Variants in KMT2C observed in about 807,000 individuals in gnomAD.
KMT2C encodes the protein histone-lysine N-methyltransferase 2C.
A neutral mutation model predicts 507.9 loss-of-function variants in KMT2C; 88 were observed. The ratio of observed to expected loss-of-function variants is 0.17; its 90% confidence interval spans 0.15 to 0.21. The LOEUF is 0.21. Ranked by LOEUF, KMT2C falls within the 10% of genes least tolerant of loss-of-function variation. KMT2C has a pLI of 1.00. For synonymous variants in KMT2C, 2,049 were observed against 2,080.8 expected, an observed-to-expected ratio of 0.98 and a Z score of 0.42; for missense variants, 4,954 against 5,957.8, an observed-to-expected ratio of 0.83 and a Z score of 5.55.
At chr7:152,360,869 A>C (rs1309455203) in intron 1 of KMT2C, among the ~76,000 whole-genome samples, 1 of 152,054 alleles carries the variant, frequency 6.6e-6, no homozygotes, top group Non-Finnish European at 1.5e-5. Context: ...AAAAAATTGA[A>C]GTAATCAAAG....
intron 43 of KMT2C, among the ~76,000 whole-genome samples, chr7:152,161,495 A>C (rs2129103134): frequency 6.6e-6 from 1 of 152,342 alleles, no homozygotes; most frequent in Admixed American, 6.5e-5. Context: ...ATCTTAATGA[A>C]GTTAACTGAA....
intron 6 of KMT2C, among the ~76,000 whole-genome samples, chr7:152,304,617 G>T (rs2096599041): frequency 6.6e-6 from 1 of 152,212 alleles, no homozygotes; most frequent in African/African-American, 2.4e-5. Flanking sequence ...TTATCTTGAA[G>T]GGGCAGGTTA....
chr7:152,364,926 AAC>A (rs961843997), intron 1 of KMT2C, among the ~76,000 whole-genome samples: 15 of 144,380 alleles, frequency 1.0e-4, no homozygotes, highest in Non-Finnish European at 1.8e-4. Flanking sequence ...CAAAATCTGA[AAC>A]AGACAGACAC....
At chr7:152,382,312 A>C (rs1202658335) in intron 1 of KMT2C, among the ~76,000 whole-genome samples, 4 of 152,190 alleles carry the variant, frequency 2.6e-5, no homozygotes, top group African/African-American at 4.8e-5. Flanking sequence ...TAAACATGAG[A>C]GATAACCCTG....
intron 7 of KMT2C, among the ~76,000 whole-genome samples, chr7:152,270,828 C>G (rs2095951579): frequency 6.6e-6 from 1 of 152,166 alleles, no homozygotes; most frequent in Admixed American, 6.5e-5. Flanking sequence ...TATGACAGAG[C>G]ACCCTAAAAG....
At chr7:152,185,165 G>A (rs1188570652) in intron 34 of KMT2C, among the ~76,000 whole-genome samples, 1 of 152,192 alleles carries the variant, frequency 6.6e-6, no homozygotes, top group Non-Finnish European at 1.5e-5. Flanking sequence ...AAGGGAAAGA[G>A]TCTGTACAAG....
chr7:152,249,908 T>C lies in KMT2C; in HGVS notation c.1781A>G (p.Glu594Gly), dbSNP rs749129750. The C allele has an allele frequency of 3.1e-6, 5 of 1,608,608 alleles. No homozygotes were observed. The highest frequency in any genetic ancestry group is 4.3e-6 in the Non-Finnish European group (5 of 1,175,420). Residue 594 changes from glutamate (E) to glycine (G), a missense_variant, in exon 13 of 59, where the codon GAA (glutamate) becomes GGA (glycine). Around this residue, in one of 29 missense-constraint regions of KMT2C, gnomAD observed 376 missense variants for 352.4 expected, o/e 1.07. Coordinates refer to ENST00000262189, the MANE Select transcript of KMT2C (RefSeq NM_170606.3). Reference sequence around the variant, plus strand: ...AAGAAGACTATCTGTGTCAAGACTTTCTGAGGGATGACTCTTCTGTTGCTC... The same window carrying C: ...AAGAAGACTATCTGTGTCAAGACTTCCTGAGGGATGACTCTTCTGTTGCTC... ...TEEQQKSHPS[E>G]SLDTDSLLIA...
In KMT2C at chr7:152,144,175, G is replaced by C. The variant is rs919653784; in HGVS notation, c.14343+538C>G. Reference sequence around the variant, plus strand: ...TGAGACATCCAAGGAGAAAAATGCTGAACAGGCATTTGGATATTTGGGTCT... The same window carrying C: ...TGAGACATCCAAGGAGAAAAATGCTCAACAGGCATTTGGATATTTGGGTCT... On this transcript the variant is annotated intron_variant, in intron 55 of 58. Coordinates refer to ENST00000262189, the MANE Select transcript of KMT2C (RefSeq NM_170606.3). This position sits in a 1 kb window ranked among gnomAD's most constrained non-coding sequence, Gnocchi z 4.4. Among the ~76,000 whole-genome samples, 5 of 152,150 alleles carry C rather than the reference G, an allele frequency of 3.3e-5. No individual in the cohort carries two copies. Among genetic ancestry groups the C allele is most frequent in the African/African-American group, 1.2e-4 (5 of 41,420 alleles).
At chr7:152,361,343 G>A (rs1241927919) in intron 1 of KMT2C, among the ~76,000 whole-genome samples, 2 of 152,048 alleles carry the variant, frequency 1.3e-5, no homozygotes, top group African/African-American at 2.4e-5. Flanking sequence ...GGTGGATCAC[G>A]AGGTCAGGAG....
rs184141760 is a variant in KMT2C, at chr7:152,202,807, A to G, written c.4092+127T>C. The G allele has an allele frequency of 1.7e-4, 135 of 797,812 alleles. No homozygotes were observed. The Admixed American group carries it at 4.2e-3, about 25-fold the overall frequency. The allele number at this position is 797,812 out of a possible 1,614,324, so 49.4% of individuals were successfully genotyped here. A position where few individuals can be genotyped will look rare whatever the true frequency, so the allele number is the denominator to read the frequency against. On this transcript the variant is annotated intron_variant, in intron 26 of 58. Transcript: ENST00000262189. ...CCCCTGAAAGGTAAAAATGGCATTT[A>G]TGATGACTAAATGACAACAAAACAA...
In KMT2C at chr7:152,177,031, C is replaced by T. The variant is rs2129114084; in HGVS notation, c.8422G>A (p.Asp2808Asn). ...GATTTTTTCTGTGGTGAATGTTTAT[C>T]AGAGAGAACCAGAGTTTTGTTTTCT... Reference protein sequence around the residue: ...EQENKTLVLSDKHSPQKKSTV... With the variant: ...EQENKTLVLSNKHSPQKKSTV... The change falls in exon 38 of 59, where the codon GAT (aspartate) becomes AAT (asparagine). Residue 2808 changes from aspartate (D) to asparagine (N), a missense_variant. Physicochemically the swap from Asp to Asn is conservative, Grantham distance 23. This residue lies in a region of KMT2C where 1,689 missense variants were observed against 1,654.3 expected (regional missense o/e 1.02). Transcript: ENST00000262189. 1 of 1,613,244 alleles carries T rather than the reference C, an allele frequency of 6.2e-7. No individual in the cohort carries two copies. The highest frequency in any genetic ancestry group is 1.3e-5 in the African/African-American group (1 of 74,922).
At chr7:152,275,106 A>G (rs1274678084) in intron 6 of KMT2C, among the ~76,000 whole-genome samples, 1 of 152,336 alleles carries the variant, frequency 6.6e-6, no homozygotes, top group East Asian at 1.9e-4. Context: ...AGTTAAAATT[A>G]TAATTGTTTT....
chr7:152,176,235 T>C lies in KMT2C; in HGVS notation c.9218A>G (p.Gln3073Arg), dbSNP rs575470787. The C allele has an allele frequency of 1.9e-6, 3 of 1,612,932 alleles. No individual in the cohort carries two copies. The South Asian group carries it at 3.3e-5, about 18-fold the overall frequency. ...RQEQQQQRQM[Q>R]AMIRQRSEPF... ...TTCTGATCGCTGACGAATCATGGCT[T>C]GCATCTGTCTTTGCTGCTGCTGTTC... The change falls in exon 38 of 59, where the codon CAA (glutamine) becomes CGA (arginine). Residue 3073 changes from glutamine to arginine, a missense_variant. Transcript: ENST00000262189.
rs573895324 is a variant in KMT2C, at chr7:152,175,956, T to C, written c.9262+235A>G. Among the ~76,000 whole-genome samples, 8 of 152,198 alleles carry C rather than the reference T, an allele frequency of 5.3e-5. No homozygotes were observed. In the East Asian group the frequency reaches 1.6e-3, roughly 30 times the overall value. On this transcript the variant is annotated intron_variant, in intron 38 of 58. Transcript: ENST00000262189. ...TACTCGGGAGGCTGAGGCAGGAGAATCACTTGAACCCAGGAGGTGGAGGTT... is the reference window on the plus strand; with the variant it reads ...TACTCGGGAGGCTGAGGCAGGAGAACCACTTGAACCCAGGAGGTGGAGGTT...
chr7:152,186,256 C>T (rs1039592132), intron 33 of KMT2C, among the ~76,000 whole-genome samples: 1 of 152,150 alleles, frequency 6.6e-6, no homozygotes, highest in African/African-American at 2.4e-5. Context: ...AGCTTTAACA[C>T]AGTATTTCAT....
At chr7:152,397,493 C>T (rs2116587184) in intron 1 of KMT2C, among the ~76,000 whole-genome samples, 1 of 152,286 alleles carries the variant, frequency 6.6e-6, no homozygotes, top group East Asian at 1.9e-4. Context: ...GTGAAGGGCA[C>T]TGCTTGGGCT....
At chr7:152,295,891 C>T (rs538816548) in intron 6 of KMT2C, among the ~76,000 whole-genome samples, 235 of 151,094 alleles carry the variant, frequency 1.6e-3, no homozygotes, top group African/African-American at 5.4e-3. Flanking sequence ...ACGGTGAAAC[C>T]CCGTCTCTAC....
At position 152,284,418 on chromosome 7, in the gene KMT2C, T is replaced by C. The variant is rs374455758; in HGVS notation, c.850-10551A>G. Among the ~76,000 whole-genome samples the C allele has an allele frequency of 5.7e-4, 87 of 152,254 alleles. 2 individuals carry two copies. In the South Asian group the frequency reaches 0.011, roughly 20 times the overall value. ...AATCCGTATGGAAAACAAAGAAACA[T>C]GAATCTTATCTCAAATTCTTTTATC... On this transcript the variant is annotated intron_variant, in intron 6 of 58. Transcript: ENST00000262189.
intron 16 of KMT2C, among the ~76,000 whole-genome samples, chr7:152,234,094 C>T (rs2129154066): frequency 6.6e-6 from 1 of 151,926 alleles, no homozygotes; most frequent in Non-Finnish European, 1.5e-5. Flanking sequence ...GAGATCACGC[C>T]ACTGCACTCC....
Sources: allele counts gnomAD v4.1 joint callset (sites outside exome capture counted in the v4.1 genomes callset), GRCh38; gene constraint gnomAD v4.1.1; regional missense constraint gnomAD v4.1.1; non-coding constraint Gnocchi (gnomAD v3.1); transcripts MANE v1.5; gene names NCBI Gene and HGNC (gene_info 2026-07-23, HGNC 2026-07-21).